The following FBLN7 variants were observed in gnomAD, a reference collection of about 807,000 sequenced individuals.
FBLN7 encodes fibulin 7.
A neutral mutation model predicts 44.0 loss-of-function variants in FBLN7; 31 were observed. The observed-to-expected ratio is 0.70, with a 90% CI of 0.53 to 0.95. The LOEUF (loss-of-function observed/expected upper bound fraction) is 0.95, where lower values mean the gene tolerates loss of function less well. Among genes scored for constraint, FBLN7 ranks in the 40% least tolerant of loss-of-function variants. FBLN7 has a pLI of 0.00. For synonymous variants in FBLN7, 262 were observed against 253.4 expected (o/e 1.03, Z -0.32); for missense variants, 573 against 618.5 (o/e 0.93, Z 0.78).
chr2:112,192,193 T>C (rs989843809), downstream of FBLN7, among the ~76,000 whole-genome samples: 2 of 152,256 alleles, frequency 1.3e-5, no homozygotes, highest in Admixed American at 1.3e-4. Context: ...ATTAAAAATA[T>C]TGCAGCAATA....
the FBLN7 span, among the ~76,000 whole-genome samples, chr2:112,235,564 G>A: frequency 0.011 from 1,627 of 152,124 alleles, 29 homozygotes; most frequent in African/African-American, 0.036. Flanking sequence ...AGAATATTTG[G>A]CATTTCTAAT....
intron 2 of FBLN7, among the ~76,000 whole-genome samples, chr2:112,161,370 C>T (rs1681860868): frequency 6.6e-6 from 1 of 152,160 alleles, no homozygotes; most frequent in Non-Finnish European, 1.5e-5. Context: ...GAGTCCGTTC[C>T]TGTTTTCCTT....
At chr2:112,144,333 A>C (rs1680794036) in intron 1 of FBLN7, among the ~76,000 whole-genome samples, 1 of 152,194 alleles carries the variant, frequency 6.6e-6, no homozygotes, top group South Asian at 2.1e-4. Context: ...TTTTATTTTC[A>C]CATTGAAAAT....
the FBLN7 span, among the ~76,000 whole-genome samples, chr2:112,219,957 T>G: frequency 2.0e-5 from 3 of 152,212 alleles, no homozygotes; most frequent in Admixed American, 2.0e-4. Flanking sequence ...TTGCCTGAAA[T>G]TAGAATAGAC....
At chr2:112,225,692 T>C in the FBLN7 span, among the ~76,000 whole-genome samples, 160 of 152,000 alleles carry the variant, frequency 1.1e-3, no homozygotes, top group African/African-American at 3.7e-3. Flanking sequence ...TGGTAAGTGC[T>C]TGTAGTCCCA....
chr2:112,221,663 A>G, the FBLN7 span, among the ~76,000 whole-genome samples: 2 of 152,078 alleles, frequency 1.3e-5, no homozygotes, highest in South Asian at 4.1e-4. Context: ...TGCTGATAAG[A>G]CTTGAGACTG....
chr2:112,218,594 G>C, the FBLN7 span, among the ~76,000 whole-genome samples: 1 of 152,130 alleles, frequency 6.6e-6, no homozygotes, highest in African/African-American at 2.4e-5. Flanking sequence ...AACAACACAA[G>C]TTTGAACTGT....
intron 1 of FBLN7, among the ~76,000 whole-genome samples, chr2:112,151,068 T>C (rs1681136220): frequency 1.3e-5 from 2 of 152,142 alleles, no homozygotes; most frequent in South Asian, 4.1e-4. Context: ...TGGGGGCAGA[T>C]TCTCCAGGCA....
In FBLN7 at chr2:112,187,160, T is replaced by A; in HGVS notation, c.974T>A (p.Met325Lys). The change falls in exon 8 of 8, where the codon ATG (methionine) becomes AAG (lysine). Residue 325 changes from methionine to lysine, a missense_variant. Physicochemically the swap from Met to Lys is moderately conservative, Grantham distance 95. Coordinates refer to ENST00000331203, the MANE Select transcript of FBLN7 (RefSeq NM_153214.3). This position sits in a 1 kb window ranked among gnomAD's most constrained non-coding sequence, Gnocchi z 5.1. ...CAGTGTGAGCGGAACCCCTGCCCCA[T>A]GGACAGCAGGCCCTGCCGCCATCTG... ...PFQCERNPCP[M>K]DSRPCRHLPK... is the part of the protein sequence containing the mutation. 1 of 1,614,078 alleles carries A rather than the reference T, an allele frequency of 6.2e-7. No individual in the cohort carries two copies. The highest frequency in any genetic ancestry group is 8.5e-7 in the Non-Finnish European group (1 of 1,180,022).
intron 3 of FBLN7, among the ~76,000 whole-genome samples, chr2:112,167,725 G>A (rs929406519): frequency 9.9e-5 from 15 of 152,138 alleles, no homozygotes; most frequent in African/African-American, 1.7e-4. Flanking sequence ...CACTTGGTTC[G>A]TTCTTGCTAT....
Position 112,164,993 on chromosome 2 carries a change from C to T in FBLN7, c.236-8C>T. The T allele has an allele frequency of 6.2e-7, 1 of 1,613,392 alleles. No homozygotes were observed. On this transcript the variant is annotated splice_region_variant and splice_polypyrimidine_tract_variant and intron_variant, in intron 2 of 7. Coordinates refer to ENST00000331203, the MANE Select transcript of FBLN7 (RefSeq NM_153214.3). ...AGGAGCTCGTAATCCTTCCATCTCT[C>T]CTTACAGTTTCCTGCCCGGCTCTGA...
At chr2:112,142,403 A>T (rs1325950076) in intron 1 of FBLN7, among the ~76,000 whole-genome samples, 1 of 152,116 alleles carries the variant, frequency 6.6e-6, no homozygotes, top group Non-Finnish European at 1.5e-5. Flanking sequence ...CTGTATTCCC[A>T]CTATAGGGCT....
chr2:112,215,659 A>G, the FBLN7 span: 1 of 152,292 alleles, frequency 6.6e-6, no homozygotes, highest in South Asian at 2.1e-4. Flanking sequence ...ACCAATAATC[A>G]ATATTACTAT....
chr2:112,168,378 T>G (rs950752600), intron 3 of FBLN7, among the ~76,000 whole-genome samples: 1 of 152,208 alleles, frequency 6.6e-6, no homozygotes, highest in Non-Finnish European at 1.5e-5. Context: ...TTTTCTTCTC[T>G]TGAAGCATAG....
chr2:112,205,430 A>T, the FBLN7 span, among the ~76,000 whole-genome samples: 1 of 152,074 alleles, frequency 6.6e-6, no homozygotes, highest in African/African-American at 2.4e-5. Flanking sequence ...ATACAAAGAG[A>T]TACACTCCAA....
rs1304238591 is a variant in FBLN7, at chr2:112,155,268, T to C, written c.76-4408T>C. Among the ~76,000 whole-genome samples the C allele has an allele frequency of 3.3e-5, 5 of 152,224 alleles. No individual in the cohort carries two copies. The East Asian group carries it at 5.8e-4, about 18-fold the overall frequency. On this transcript the variant is annotated intron_variant, in intron 1 of 7. Transcript: ENST00000331203. ...TTGGTATGTAAGGATTCCAGCTTCA[T>C]CATCTAGCTTTGCAAAGGAGCTCGG...
the FBLN7 span, among the ~76,000 whole-genome samples, chr2:112,196,374 CTTTTTT>C: frequency 3.5e-4 from 22 of 63,258 alleles, 1 homozygote; most frequent in Admixed American, 3.2e-3. Context: ...TCTTCTTCTT[CTTTTTT>C]TTTTTTTTTT....
chr2:112,232,433 T>C, the FBLN7 span, among the ~76,000 whole-genome samples: 1 of 151,826 alleles, frequency 6.6e-6, no homozygotes, highest in Non-Finnish European at 1.5e-5. Context: ...AAGGACTACA[T>C]ACGTAAATCA....
chr2:112,150,191 G>A (rs894189920), intron 1 of FBLN7, among the ~76,000 whole-genome samples: 1 of 152,210 alleles, frequency 6.6e-6, no homozygotes, highest in African/African-American at 2.4e-5. Context: ...CTCTGGAGCA[G>A]CCCTTTCCCA....
Sources: gnomAD v4.1 joint callset for allele counts (sites outside exome capture counted in the v4.1 genomes callset) on GRCh38, gnomAD v4.1.1 for gene constraint, Gnocchi (gnomAD v3.1) non-coding constraint, MANE v1.5 for transcripts, NCBI Gene and HGNC (gene_info 2026-07-23, HGNC 2026-07-21) for gene names.